Variants in CTNNA3 observed in about 807,000 individuals in gnomAD.
CTNNA3 encodes the protein catenin alpha-3.
Under a neutral mutation model 95.7 loss-of-function variants are expected in CTNNA3, and 76 were observed. That is an observed-to-expected ratio of 0.79 (90% CI 0.66 to 0.96). CTNNA3 has a LOEUF of 0.96. Ranked by LOEUF, CTNNA3 falls within the 40% of genes least tolerant of loss-of-function variation. The pLI is 0.00. For synonymous variants in CTNNA3, 431 were observed against 374.4 expected (o/e 1.15, Z -1.74); for missense variants, 1,191 against 1,089.8 (o/e 1.09, Z -1.31).
intron 7 of CTNNA3, among the ~76,000 whole-genome samples, chr10:66,857,384 G>T (rs1440998228): frequency 8.0e-6 from 1 of 125,488 alleles, no homozygotes; most frequent in African/African-American, 3.3e-5. Context: ...TGGCTATTTG[G>T]ACTAATTTTT....
intron 9 of CTNNA3, among the ~76,000 whole-genome samples, chr10:66,742,609 G>A (rs535117408): frequency 1.3e-4 from 20 of 152,022 alleles, no homozygotes; most frequent in African/African-American, 2.7e-4. Flanking sequence ...TGTCTCCCCC[G>A]GACACCCAGC....
At chr10:67,254,702 C>G (rs1185709138) in intron 5 of CTNNA3, among the ~76,000 whole-genome samples, 1 of 152,130 alleles carries the variant, frequency 6.6e-6, no homozygotes, top group Non-Finnish European at 1.5e-5. Flanking sequence ...TTTAGATATG[C>G]TTAAGTAAAT....
intron 11 of CTNNA3, among the ~76,000 whole-genome samples, chr10:66,473,571 T>A (rs1839210813): frequency 6.6e-6 from 1 of 152,012 alleles, no homozygotes. Context: ...AATGTGCAGG[T>A]TTGTTACACA....
chr10:67,317,192 T>C (rs12762079), intron 5 of CTNNA3, among the ~76,000 whole-genome samples: 1 of 152,130 alleles, frequency 6.6e-6, no homozygotes, highest in East Asian at 1.9e-4. Context: ...TTTGTTTTTT[T>C]CTTTTTTTGC....
intron 1 of CTNNA3, among the ~76,000 whole-genome samples, chr10:67,714,116 C>T (rs1394847933): frequency 6.6e-6 from 1 of 152,172 alleles, no homozygotes; most frequent in African/African-American, 2.4e-5. Flanking sequence ...CTGGAGCCCC[C>T]ACACAGAGTC....
chr10:67,291,460 A>G (rs1362638105), intron 5 of CTNNA3, among the ~76,000 whole-genome samples: 1 of 152,110 alleles, frequency 6.6e-6, no homozygotes, highest in Non-Finnish European at 1.5e-5. Context: ...TTTACAAAGC[A>G]TTTCTCCTCT....
intron 12 of CTNNA3, among the ~76,000 whole-genome samples, chr10:66,368,635 C>T (rs12783543): frequency 0.18 from 26,695 of 151,824 alleles, 2,699 homozygotes; most frequent in East Asian, 0.49. Flanking sequence ...TGTGGAGATA[C>T]GGCAAATACA....
intron 11 of CTNNA3, among the ~76,000 whole-genome samples, chr10:66,442,839 G>C (rs201542998): frequency 1.3e-5 from 2 of 152,200 alleles, no homozygotes; most frequent in South Asian, 4.1e-4. Flanking sequence ...CACCATGCAC[G>C]AGCCAAAGCA....
At chr10:67,046,526 C>T (rs1333831830) in intron 7 of CTNNA3, among the ~76,000 whole-genome samples, 6 of 152,182 alleles carry the variant, frequency 3.9e-5, no homozygotes, top group Admixed American at 3.3e-4. Flanking sequence ...GAAAAGGAAT[C>T]TATCCGTCTT....
At chr10:66,957,632 G>A (rs1313633896) in intron 7 of CTNNA3, among the ~76,000 whole-genome samples, 1 of 151,648 alleles carries the variant, frequency 6.6e-6, no homozygotes, top group Non-Finnish European at 1.5e-5. Flanking sequence ...ACACTCAAAA[G>A]GAGTGACTCA....
chr10:66,448,898 A>G (rs2093443390), intron 11 of CTNNA3, among the ~76,000 whole-genome samples: 1 of 152,090 alleles, frequency 6.6e-6, no homozygotes. Context: ...ACTCTCATTT[A>G]ATCTGCTTTT....
chr10:66,486,145 G>T (rs1839717965), intron 11 of CTNNA3, among the ~76,000 whole-genome samples: 1 of 152,102 alleles, frequency 6.6e-6, no homozygotes, highest in Non-Finnish European at 1.5e-5. Context: ...GTTAGCTTAG[G>T]CAGTAATTTT....
chr10:65,975,854 T>C (rs894878032), intron 16 of CTNNA3, among the ~76,000 whole-genome samples: 1 of 152,160 alleles, frequency 6.6e-6, no homozygotes, highest in Admixed American at 6.5e-5. Context: ...CATTTTTTGT[T>C]ATTATTGCTT....
chr10:66,246,748 A>G (rs2090344499), intron 13 of CTNNA3, among the ~76,000 whole-genome samples: 1 of 152,008 alleles, frequency 6.6e-6, no homozygotes, highest in African/African-American at 2.4e-5. Flanking sequence ...GAATTGATCA[A>G]GCAGAAGAAT....
chr10:66,707,519 T>C (rs1041508145), intron 9 of CTNNA3, among the ~76,000 whole-genome samples: 3 of 152,078 alleles, frequency 2.0e-5, no homozygotes, highest in African/African-American at 7.2e-5. Flanking sequence ...TCCTGAATTA[T>C]TCCCTGGCTG....
In CTNNA3 at chr10:66,001,164, G is replaced by A. The variant is rs16922268; in HGVS notation, c.2160-12367C>T. ...ATATACTACATTGCATAGATTTCGG[G>A]GGTCATGACAAGTGATTGAAATGGC... On this transcript the variant is annotated intron_variant, in intron 15 of 17. Transcript: ENST00000433211. Among the ~76,000 whole-genome samples the A allele has an allele frequency of 4.4e-3, 663 of 151,926 alleles. 17 individuals are homozygous for A. The highest frequency in any genetic ancestry group is 0.038 in the Admixed American group (583 of 15,250).
intron 13 of CTNNA3, among the ~76,000 whole-genome samples, chr10:66,246,653 T>C (rs1185245435): frequency 6.6e-6 from 1 of 151,588 alleles, no homozygotes; most frequent in African/African-American, 2.4e-5. Flanking sequence ...TAACAGAGAC[T>C]GAAATTAAAA....
chr10:67,248,897 C>T (rs1016534526), intron 5 of CTNNA3, among the ~76,000 whole-genome samples: 1 of 152,142 alleles, frequency 6.6e-6, no homozygotes, highest in Admixed American at 6.6e-5. Flanking sequence ...TCCTACTGCT[C>T]AAGGTCATTG....
intron 7 of CTNNA3, among the ~76,000 whole-genome samples, chr10:66,884,777 G>A (rs1182541219): frequency 2.0e-5 from 3 of 152,120 alleles, no homozygotes; most frequent in Admixed American, 6.6e-5. Flanking sequence ...GAAACAGAGG[G>A]AGGAAGATAA....
Sources: gnomAD v4.1 joint callset for allele counts (sites outside exome capture counted in the v4.1 genomes callset) on GRCh38, gnomAD v4.1.1 for gene constraint, MANE v1.5 for transcripts, NCBI Gene and HGNC (gene_info 2026-07-23, HGNC 2026-07-21) for gene names.